PCGF5: variants seen among roughly 807,000 people sequenced by gnomAD.
The protein encoded by PCGF5 is polycomb group ring finger 5, also known as polycomb group RING finger protein 5.
PCGF5 carries 9 observed loss-of-function variants against 44.3 expected under a neutral mutation model. The ratio of observed to expected loss-of-function variants is 0.20; its 90% confidence interval spans 0.12 to 0.35. The LOEUF (loss-of-function observed/expected upper bound fraction) is 0.35. Among genes scored for constraint, PCGF5 ranks in the 10% least tolerant of loss-of-function variants. The pLI is 1.00. For synonymous variants in PCGF5, 95 were observed against 102.5 expected (o/e 0.93, Z 0.44); for missense variants, 146 against 305.3 (o/e 0.48, Z 3.89).
chr10:91,206,106 A>G (rs1013786581), intron 1 of PCGF5, among the ~76,000 whole-genome samples: 1 of 152,254 alleles, frequency 6.6e-6, no homozygotes, highest in African/African-American at 2.4e-5. Context: ...TGGCTTTTTA[A>G]TCTTTTATTT....
chr10:91,248,783 GT>G, intron 5 of PCGF5, 59 bp downstream of exon 5: 4 of 1,391,614 alleles, frequency 2.9e-6, no homozygotes, highest in Non-Finnish European at 4.0e-6. Flanking sequence ...GCTTTTCATA[GT>G]TTAGGTGAAC....
At chr10:91,163,401 G>A (rs1349170841) in intron 1 of PCGF5, among the ~76,000 whole-genome samples, 2 of 151,906 alleles carry the variant, frequency 1.3e-5, no homozygotes, top group African/African-American at 4.8e-5. Flanking sequence ...TCCTGGCCGC[G>A]GCCCCGCCGC....
At chr10:91,257,373 C>G (rs1455262360) in intron 6 of PCGF5, among the ~76,000 whole-genome samples, 1 of 152,026 alleles carries the variant, frequency 6.6e-6, no homozygotes, top group Admixed American at 6.6e-5. Context: ...GAAAGTGCAG[C>G]TACTGTGGAA....
At chr10:91,264,570 A>G in intron 8 of PCGF5, 50 bp downstream of exon 8, 9 of 1,336,870 alleles carry the variant, frequency 6.7e-6, no homozygotes, top group South Asian at 1.3e-5. Flanking sequence ...ATATACCATT[A>G]TGTTACTCAA....
upstream of PCGF5, among the ~76,000 whole-genome samples, chr10:91,158,577 T>G (rs1843346174): frequency 6.6e-6 from 1 of 152,162 alleles, no homozygotes; most frequent in Non-Finnish European, 1.5e-5. Context: ...TGCCTCAAGA[T>G]GCTTATGGTC....
chr10:91,259,018 T>C (rs577657212), intron 6 of PCGF5, among the ~76,000 whole-genome samples: 1 of 152,322 alleles, frequency 6.6e-6, no homozygotes, highest in African/African-American at 2.4e-5. Context: ...CTGATAACTT[T>C]TGAGGTTGTG....
At position 91,256,676 on chromosome 10, in the gene PCGF5, T is replaced by C. The variant is rs1486029232; in HGVS notation, c.475-4650T>C. On this transcript the variant is annotated intron_variant, in intron 6 of 9. Coordinates refer to ENST00000336126, the MANE Select transcript of PCGF5 (RefSeq NM_032373.5). ...AAACTATTCAAAGACAAAGAGAGAATCTTGAAAGCAACAATATAAAAGTGA... is the reference window on the plus strand; with the variant it reads ...AAACTATTCAAAGACAAAGAGAGAACCTTGAAAGCAACAATATAAAAGTGA... Among the ~76,000 whole-genome samples, 6 of 151,964 alleles carry C rather than the reference T, an allele frequency of 3.9e-5. No homozygotes were observed. In the East Asian group the frequency reaches 1.2e-3, roughly 29 times the overall value.
intron 2 of PCGF5, among the ~76,000 whole-genome samples, chr10:91,225,218 T>G (rs1844788126): frequency 6.8e-6 from 1 of 147,814 alleles, no homozygotes; most frequent in Non-Finnish European, 1.5e-5. Flanking sequence ...ATATCATATA[T>G]TTGATATATA....
At chr10:91,195,990 C>G (rs1276361148) in intron 1 of PCGF5, among the ~76,000 whole-genome samples, 1 of 150,312 alleles carries the variant, frequency 6.7e-6, no homozygotes, top group Non-Finnish European at 1.5e-5. Context: ...TTAAAATTGG[C>G]TACTAGATAA....
At chr10:91,172,691 T>C (rs920580288) in intron 1 of PCGF5, among the ~76,000 whole-genome samples, 2 of 152,246 alleles carry the variant, frequency 1.3e-5, no homozygotes, top group Non-Finnish European at 2.9e-5. Context: ...ACTTTTGTGT[T>C]TGCCCCCAAG....
intron 5 of PCGF5, among the ~76,000 whole-genome samples, chr10:91,249,765 A>G (rs776193103): frequency 5.3e-5 from 8 of 151,378 alleles, no homozygotes; most frequent in Non-Finnish European, 1.0e-4. Context: ...ACAAGAGACT[A>G]TTTTTTATCT....
intron 1 of PCGF5, among the ~76,000 whole-genome samples, chr10:91,200,045 C>A (rs1324752744): frequency 6.6e-6 from 1 of 152,322 alleles, no homozygotes; most frequent in Admixed American, 6.5e-5. Context: ...ACCCAAAGGA[C>A]AGGGAAATTG....
chr10:91,168,765 A>G (rs1442228010), intron 1 of PCGF5, among the ~76,000 whole-genome samples: 2 of 151,818 alleles, frequency 1.3e-5, no homozygotes, highest in Admixed American at 6.6e-5. Flanking sequence ...CGTCTCTACT[A>G]AAAATACAAA....
intron 1 of PCGF5, among the ~76,000 whole-genome samples, chr10:91,163,840 G>T (rs1255732010): frequency 2.0e-5 from 3 of 152,020 alleles, no homozygotes; most frequent in Admixed American, 2.0e-4. Context: ...CCGGGGTGGT[G>T]GGGTGGGGGG....
intron 1 of PCGF5, among the ~76,000 whole-genome samples, chr10:91,178,362 G>T (rs1215508328): frequency 1.3e-5 from 2 of 151,620 alleles, no homozygotes; most frequent in African/African-American, 4.8e-5. Context: ...GTGAGGCAGG[G>T]TATTGCTGTT....
At chr10:91,236,808 G>C (rs1049180365) in intron 2 of PCGF5, among the ~76,000 whole-genome samples, 1 of 152,214 alleles carries the variant, frequency 6.6e-6, no homozygotes, top group African/African-American at 2.4e-5. Flanking sequence ...TTTATGTAAG[G>C]TTGTGCTTTA....
intron 8 of PCGF5, among the ~76,000 whole-genome samples, chr10:91,270,330 T>C (rs1189428494): frequency 6.6e-6 from 1 of 151,730 alleles, no homozygotes; most frequent in Non-Finnish European, 1.5e-5. Context: ...AGTAGGCAAT[T>C]GTAAGAAAAG....
chr10:91,240,669 T>G (rs1043306262), intron 3 of PCGF5, 89 bp downstream of exon 3: 17 of 790,510 alleles, frequency 2.2e-5, no homozygotes, highest in Non-Finnish European at 3.2e-5. Flanking sequence ...TTTCATGTTG[T>G]CTTGACTCAG....
chr10:91,188,427 C>T (rs1457525288), intron 1 of PCGF5, among the ~76,000 whole-genome samples: 1 of 152,098 alleles, frequency 6.6e-6, no homozygotes, highest in African/African-American at 2.4e-5. Flanking sequence ...ACCCTAGAAG[C>T]AGAAAATACA....
Sources: allele counts gnomAD v4.1 joint callset (sites outside exome capture counted in the v4.1 genomes callset), GRCh38; gene constraint gnomAD v4.1.1; transcripts MANE v1.5; gene names NCBI Gene and HGNC (gene_info 2026-07-23, HGNC 2026-07-21).